Variants in UNC5A observed in about 807,000 individuals in gnomAD.
UNC5A encodes netrin receptor UNC5A.
Under a neutral mutation model 87.4 loss-of-function variants are expected in UNC5A, and 20 were observed. The observed-to-expected ratio is 0.23, with a 90% confidence interval of 0.16 to 0.33. UNC5A has a LOEUF of 0.33. Among genes scored for constraint, UNC5A ranks in the 10% least tolerant of loss-of-function variants. UNC5A has a pLI of 1.00. For synonymous variants in UNC5A, 438 were observed against 482.3 expected (o/e 0.91, Z 1.20); for missense variants, 844 against 1,133.4 (o/e 0.74, Z 3.67).
intron 8 of UNC5A, 32 bp from the exon 9 acceptor site, chr5:176,877,160 G>T: frequency 6.4e-7 from 1 of 1,561,190 alleles, no homozygotes. Context: ...TTTGGCAGTG[G>T]GTAAGCCCTG....
At chr5:176,814,480 A>G (rs901543802) in intron 1 of UNC5A, among the ~76,000 whole-genome samples, 1 of 151,960 alleles carries the variant, frequency 6.6e-6, no homozygotes, top group Non-Finnish European at 1.5e-5. Context: ...CAACACCCCA[A>G]CGTTGGCTCT....
In UNC5A at chr5:176,878,351, G is replaced by A; in HGVS notation, c.1977G>A (p.Val659=). ...YHNLRLSIHD[V]PSSLWKSKLL... Reference sequence around the variant, plus strand: ...ACCTGCGCCTATCCATCCACGATGTGCCCAGCTCCCTGTGGAAGAGTAAGC... The same window carrying A: ...ACCTGCGCCTATCCATCCACGATGTACCCAGCTCCCTGTGGAAGAGTAAGC... Residue 659 remains valine (V), a synonymous_variant, in exon 12 of 15, where the codon GTG becomes GTA. Transcript: ENST00000329542. 2 of 1,613,606 alleles carry A rather than the reference G, an allele frequency of 1.2e-6. No individual in the cohort carries two copies. Among genetic ancestry groups the A allele is most frequent in the Non-Finnish European group, 1.7e-6 (2 of 1,180,026 alleles).
chr5:176,867,227 G>A (rs1757996867), intron 2 of UNC5A, among the ~76,000 whole-genome samples: 1 of 152,132 alleles, frequency 6.6e-6, no homozygotes, highest in Admixed American at 6.5e-5. Flanking sequence ...TCACTGCTGG[G>A]GATGCTGGTT....
chr5:176,878,756 C>G, intron 13 of UNC5A, 117 bp downstream of exon 13: 3 of 1,339,098 alleles, frequency 2.2e-6, no homozygotes, highest in South Asian at 2.8e-5. Flanking sequence ...CCGCCTGTCC[C>G]CAGGCCCACC....
Position 176,873,965 on chromosome 5 carries a change from C to T in UNC5A, c.887-3C>T, listed in dbSNP as rs753764354. On this transcript the variant is annotated splice_region_variant and splice_polypyrimidine_tract_variant and intron_variant, in intron 6 of 14. Transcript: ENST00000329542. ...CCCACCAAGGCCATGCTGTCTCCCG[C>T]AGCTGCTTCTGGCCCTGAGGACGTG... 7 of 1,612,352 alleles carry T rather than the reference C, an allele frequency of 4.3e-6. No homozygotes were observed. The East Asian group carries it at 1.3e-4, about 31-fold the overall frequency.
chr5:176,862,873 C>G, intron 2 of UNC5A, 28 bp downstream of exon 2: 4 of 1,610,148 alleles, frequency 2.5e-6, no homozygotes, highest in Non-Finnish European at 1.7e-6. Flanking sequence ...CCAGGCAGGG[C>G]CAATCCGGGG....
rs749007338 is a variant in UNC5A at position 176,838,939 on chromosome 5, C to T, written c.71-23685C>T. Among the ~76,000 whole-genome samples the T allele has an allele frequency of 6.6e-6, 1 of 152,226 alleles. No homozygotes were observed. The highest frequency in any genetic ancestry group is 1.5e-5 in the Non-Finnish European group (1 of 68,032). On this transcript the variant is annotated intron_variant, in intron 1 of 14. Transcript: ENST00000329542. This position sits in a 1 kb window ranked among gnomAD's most constrained non-coding sequence, Gnocchi z 4.2. ...ATTTCCACTCAAACCACATAGCTTA[C>T]TATGGAACAAGAGTGGATCTCCAAA...
chr5:176,865,392 G>A lies in UNC5A; in HGVS notation c.292+2547G>A, dbSNP rs116652837. On this transcript the variant is annotated intron_variant, in intron 2 of 14. Coordinates refer to ENST00000329542, the MANE Select transcript of UNC5A (RefSeq NM_133369.3). The surrounding 1 kb of genome is among the most constrained non-coding windows in gnomAD (Gnocchi z 5.3). ...TGCCTGAATGAGCAGTCGCAGGCCC[G>A]GGCCGGCACACACACCGGGAGCCCC... is the stretch of plus-strand genomic sequence containing the variant. 5.7e-3 allele frequency: 2,015 copies of A among 350,798 alleles called. 45 individuals carry two copies. The highest frequency in any genetic ancestry group is 0.04 in the African/African-American group (1,870 of 46,544). 21.7% of individuals were successfully genotyped at this position (350,798 alleles called of 1,614,324 possible).
At chr5:176,851,952 C>G (rs1034339396) in intron 1 of UNC5A, among the ~76,000 whole-genome samples, 1 of 152,202 alleles carries the variant, frequency 6.6e-6, no homozygotes, top group African/African-American at 2.4e-5. Flanking sequence ...CTGCCATGGT[C>G]GCTGTGTGTC....
At chr5:176,811,059 G>A (rs978616141) in intron 1 of UNC5A, among the ~76,000 whole-genome samples, 1 of 152,206 alleles carries the variant, frequency 6.6e-6, no homozygotes, top group Admixed American at 6.5e-5. Context: ...GGGCTGGCGA[G>A]TGTAGACACC....
In UNC5A at chr5:176,869,860, G is replaced by GC. The variant is rs927058350; in HGVS notation, c.722-503dup. 1.2e-5 allele frequency: 7 copies of GC among 573,704 alleles called. No individual in the cohort carries two copies. Among genetic ancestry groups the GC allele is most frequent in the Middle Eastern group, 3.1e-4 (1 of 3,236 alleles). The allele number at this position is 573,704 out of a possible 1,614,324, so 35.5% of individuals were successfully genotyped here. On this transcript the variant is annotated intron_variant, in intron 5 of 14. Transcript: ENST00000329542. This position sits in a 1 kb window ranked among gnomAD's most constrained non-coding sequence, Gnocchi z 9.1. The stretch of plus-strand genomic sequence containing the variant: ...CTGGCTCCATCGCGCCCACCAGCCT[G>GC]CCCCCCCATGGCTCCATCCCACCCA...
chr5:176,818,977 C>T (rs1453315203), intron 1 of UNC5A, among the ~76,000 whole-genome samples: 2 of 152,344 alleles, frequency 1.3e-5, no homozygotes, highest in East Asian at 1.9e-4. Flanking sequence ...CTTCTTCAGG[C>T]GACTGGGACT....
intron 8 of UNC5A, among the ~76,000 whole-genome samples, chr5:176,876,003 C>G (rs1277992854): frequency 1.3e-5 from 2 of 152,252 alleles, no homozygotes; most frequent in Admixed American, 1.3e-4. Context: ...CCCGGCAGCC[C>G]TTGCTCTTCG....
chr5:176,877,337 C>T (rs1758287491), intron 9 of UNC5A, 58 bp downstream of exon 9: 1 of 1,485,356 alleles, frequency 6.7e-7, no homozygotes, highest in Non-Finnish European at 9.2e-7. Context: ...GCCTTCGGTC[C>T]CCAGGAAGCC....
chr5:176,824,743 C>T lies in UNC5A; in HGVS notation c.70+13923C>T, dbSNP rs1254814928. 1.3e-5 allele frequency among the ~76,000 whole-genome samples: 2 copies of T among 151,720 alleles called. No homozygotes were observed. Among genetic ancestry groups the T allele is most frequent in the African/African-American group, 2.4e-5 (1 of 41,264 alleles). On this transcript the variant is annotated intron_variant, in intron 1 of 14. Coordinates refer to ENST00000329542, the MANE Select transcript of UNC5A (RefSeq NM_133369.3). This position sits in a 1 kb window ranked among gnomAD's most constrained non-coding sequence, Gnocchi z 4.2. ...TAGGTGCCTCCATGCCCATGCACCC[C>T]CAGTGCCTGTGCACTCCCTGCCCTG...
At chr5:176,862,977 C>G in intron 2 of UNC5A, 132 bp downstream of exon 2, 1 of 1,037,252 alleles carries the variant, frequency 9.6e-7, no homozygotes, top group Non-Finnish European at 1.4e-6. Flanking sequence ...CCACAACCCT[C>G]AGCAGTTTGG....
intron 1 of UNC5A, among the ~76,000 whole-genome samples, chr5:176,829,115 G>A (rs1260484946): frequency 2.9e-5 from 4 of 137,666 alleles, no homozygotes; most frequent in Admixed American, 1.6e-4. Flanking sequence ...CTGGGCAACA[G>A]AGCGAGACTC....
Position 176,853,602 on chromosome 5 carries a change from G to A in UNC5A, c.71-9022G>A, listed in dbSNP as rs146556882. 2.7e-4 allele frequency among the ~76,000 whole-genome samples: 41 copies of A among 152,328 alleles called. 1 individual carries two copies. In the East Asian group the frequency reaches 4.0e-3, roughly 15 times the overall value. On this transcript the variant is annotated intron_variant, in intron 1 of 14. Coordinates refer to ENST00000329542, the MANE Select transcript of UNC5A (RefSeq NM_133369.3). Reference sequence around the variant, plus strand: ...ACGTTACTATGGAAACCAGAGTGCCGTGCTTGCCTGTATGTGAGCGTAGGT... The same window carrying A: ...ACGTTACTATGGAAACCAGAGTGCCATGCTTGCCTGTATGTGAGCGTAGGT...
intron 1 of UNC5A, among the ~76,000 whole-genome samples, chr5:176,839,733 A>G (rs1358145166): frequency 6.6e-6 from 1 of 151,214 alleles, no homozygotes; most frequent in African/African-American, 2.4e-5. Flanking sequence ...GTCCTGGGAC[A>G]GCAGATACCG....
Sources: allele counts gnomAD v4.1 joint callset (sites outside exome capture counted in the v4.1 genomes callset), GRCh38; gene constraint gnomAD v4.1.1; non-coding constraint Gnocchi (gnomAD v3.1); transcripts MANE v1.5; gene names NCBI Gene and HGNC (gene_info 2026-07-23, HGNC 2026-07-21).